HLF: variants seen among roughly 807,000 people sequenced by gnomAD.
HLF encodes HLF transcription factor, PAR bZIP family member.
A neutral mutation model predicts 22.6 loss-of-function variants in HLF; 3 were observed. The observed-to-expected ratio is 0.13, with a 90% confidence interval of 0.06 to 0.34. HLF has a LOEUF of 0.34. Ranked by LOEUF, HLF falls within the 10% of genes least tolerant of loss-of-function variation. The pLI is 1.00. For missense variants in HLF, 299 were observed against 389.2 expected, an observed-to-expected ratio of 0.77 and a Z score of 1.95; for synonymous variants, 151 against 151.8, an observed-to-expected ratio of 0.99 and a Z score of 0.04.
At chr17:55,293,388 C>T (rs965707933) in intron 2 of HLF, among the ~76,000 whole-genome samples, 1 of 152,250 alleles carries the variant, frequency 6.6e-6, no homozygotes, top group Admixed American at 6.5e-5. Flanking sequence ...CAGAGCTTCC[C>T]CCTTTATCTG....
In HLF at chr17:55,323,394, C is replaced by T; in HGVS notation, c.*2515C>T. ...ATTGTGGAAGGATTGTAACATGGAC[C>T]ATCCAAATTTATGGCCGTATCAAAT... On this transcript the variant is annotated 3_prime_UTR_variant, in exon 4 of 4. Transcript: ENST00000226067. 1 of 215,496 alleles carries T rather than the reference C, an allele frequency of 4.6e-6. No individual in the cohort carries two copies. Among genetic ancestry groups the T allele is most frequent in the Non-Finnish European group, 9.4e-6 (1 of 106,598 alleles). The allele number at this position is 215,496 out of a possible 1,614,324, so 13.3% of individuals were successfully genotyped here.
chr17:55,277,859 A>G (rs1212162334), intron 2 of HLF, among the ~76,000 whole-genome samples: 1 of 152,190 alleles, frequency 6.6e-6, no homozygotes, highest in African/African-American at 2.4e-5. Context: ...GGGAGAAACT[A>G]TAGTATTTGT....
intron 3 of HLF, among the ~76,000 whole-genome samples, chr17:55,317,864 G>A (rs1410791316): frequency 2.0e-5 from 3 of 152,150 alleles, no homozygotes; most frequent in Non-Finnish European, 4.4e-5. Context: ...GAGAATTGAG[G>A]TTGACATGCT....
intron 2 of HLF, among the ~76,000 whole-genome samples, chr17:55,293,257 A>AG (rs59173296): frequency 6.6e-6 from 1 of 151,496 alleles, no homozygotes; most frequent in African/African-American, 2.4e-5. Context: ...CATTTTTTTA[A>AG]TTAAGATTTG....
chr17:55,265,645 G>C (rs781199385), intron 1 of HLF, 46 bp downstream of exon 1: 4 of 1,385,294 alleles, frequency 2.9e-6, no homozygotes, highest in South Asian at 2.4e-5. Context: ...GACGCTCCGG[G>C]GGTCCCCCTC....
rs568258026 is a variant in HLF, at chr17:55,275,838, A to G, written c.451+7752A>G. 3.3e-5 allele frequency among the ~76,000 whole-genome samples: 5 copies of G among 152,358 alleles called. No individual in the cohort carries two copies. In the South Asian group the frequency reaches 1.0e-3, roughly 32 times the overall value. On this transcript the variant is annotated intron_variant, in intron 2 of 3. Transcript: ENST00000226067. ...CTTTTCTCTAAGAAATGATACCATG[A>G]TTAGAAAACAACAGAGGACTTTGGG... is the stretch of plus-strand genomic sequence containing the variant.
intron 1 of HLF, chr17:55,266,377 T>C (rs2080790122): frequency 6.6e-6 from 1 of 152,228 alleles, no homozygotes; most frequent in African/African-American, 2.4e-5. Flanking sequence ...GTACGTGTGA[T>C]GAGGCCCCAA....
Position 55,323,281 on chromosome 17 carries a change from C to T in HLF, c.*2402C>T. 1 of 216,900 alleles carries T rather than the reference C, an allele frequency of 4.6e-6. No homozygotes were observed. Among genetic ancestry groups the T allele is most frequent in the East Asian group, 6.8e-5 (1 of 14,618 alleles). 13.4% of individuals were successfully genotyped at this position (216,900 alleles called of 1,614,324 possible). ...GAGACACAGGTGGACGTAGAGTTGG[C>T]CTTTTTACAGGCAAAGAGGCGAATT... On this transcript the variant is annotated 3_prime_UTR_variant, in exon 4 of 4. Coordinates refer to ENST00000226067, the MANE Select transcript of HLF (RefSeq NM_002126.5).
intron 3 of HLF, among the ~76,000 whole-genome samples, chr17:55,318,331 G>A (rs547749260): frequency 1.3e-5 from 2 of 152,258 alleles, no homozygotes; most frequent in East Asian, 1.9e-4. Flanking sequence ...TTCTGGACCC[G>A]GTTCCCAGCT....
rs1449944130 is a variant in HLF at position 55,267,966 on chromosome 17, C to G, written c.331C>G (p.Pro111Ala). ...TCAGCATGACCACAGCCCTCACCCT[C>G]CTGGGCTGCAGCCAGCTTCCTCGGC... The part of the protein sequence containing the change: ...PSQHDHSPHP[P>A]GLQPASSAAP... Residue 111 changes from proline to alanine, a missense_variant, in exon 2 of 4, where the codon CCT becomes GCT. Physicochemically the swap from Pro to Ala is conservative, Grantham distance 27. Coordinates refer to ENST00000226067, the MANE Select transcript of HLF (RefSeq NM_002126.5). 2 of 1,614,002 alleles carry G rather than the reference C, an allele frequency of 1.2e-6. No homozygotes were observed. The highest frequency in any genetic ancestry group is 2.2e-5 in the East Asian group (1 of 44,892).
At chr17:55,283,540 AGT>A (rs1418462360) in intron 2 of HLF, 1 of 152,228 alleles carries the variant, frequency 6.6e-6, no homozygotes, top group Non-Finnish European at 1.5e-5. Flanking sequence ...GTCCTGGAAA[AGT>A]GTTTTCTGAG....
Position 55,270,371 on chromosome 17 carries a change from C to G in HLF, c.451+2285C>G, listed in dbSNP as rs575749127. Among the ~76,000 whole-genome samples the G allele has an allele frequency of 8.8e-4, 134 of 152,218 alleles. 2 individuals are homozygous for G. Among genetic ancestry groups the G allele is most frequent in the Non-Finnish European group, 1.7e-3 (119 of 68,044 alleles). On this transcript the variant is annotated intron_variant, in intron 2 of 3. Transcript: ENST00000226067. ...TACCAAACTCAGGTAAAATAACACT[C>G]TGCTGTTCATAGATTGTTGATCATT...
intron 2 of HLF, among the ~76,000 whole-genome samples, chr17:55,277,427 C>T (rs1466308475): frequency 6.6e-6 from 1 of 152,088 alleles, no homozygotes; most frequent in East Asian, 1.9e-4. Context: ...TTCTGGCTAG[C>T]TTAAATCAGT....
At chr17:55,285,995 G>A (rs1190972394) in intron 2 of HLF, among the ~76,000 whole-genome samples, 2 of 152,128 alleles carry the variant, frequency 1.3e-5, no homozygotes, top group African/African-American at 4.8e-5. Context: ...CTTTTCTCTT[G>A]CAAAATCAGT....
intron 1 of HLF, chr17:55,266,361 G>A (rs2080789774): frequency 6.6e-6 from 1 of 152,278 alleles, no homozygotes; most frequent in Non-Finnish European, 1.5e-5. Flanking sequence ...TAGCAGTAGA[G>A]GAGGGGTACG....
In HLF at chr17:55,324,851, A is replaced by T. The variant is rs1905405795; in HGVS notation, c.*3972A>T. ...TGTGTATGTGTGTGAATAAGTCGACATAAAGTCTTTAATTTTGAGCACCTT... is the reference window on the plus strand; with the variant it reads ...TGTGTATGTGTGTGAATAAGTCGACTTAAAGTCTTTAATTTTGAGCACCTT... On this transcript the variant is annotated 3_prime_UTR_variant, in exon 4 of 4. Coordinates refer to ENST00000226067, the MANE Select transcript of HLF (RefSeq NM_002126.5). 4.3e-6 allele frequency: 1 copy of T among 233,208 alleles called. No individual in the cohort carries two copies. Among genetic ancestry groups the T allele is most frequent in the Middle Eastern group, 1.2e-3 (1 of 806 alleles). 14.4% of individuals were successfully genotyped at this position (233,208 alleles called of 1,614,324 possible).
chr17:55,315,401 C>A lies in HLF; in HGVS notation c.626C>A (p.Pro209His). 1 of 1,614,118 alleles carries A rather than the reference C, an allele frequency of 6.2e-7. No individual in the cohort carries two copies. Reference protein sequence around the residue: ...KFSEEELKPQPMIKKARKVFI... With the variant: ...KFSEEELKPQHMIKKARKVFI... ...TCTGAGGAAGAACTGAAGCCACAGC[C>A]CATGATCAAGAAAGCTCGCAAAGTC... is the stretch of plus-strand genomic sequence containing the variant. Residue 209 changes from proline to histidine, a missense_variant, in exon 3 of 4, where the codon CCC becomes CAC. Physicochemically the swap from Pro to His is moderately conservative, Grantham distance 77 (BLOSUM62 -2). This residue lies in a region of HLF where 224 missense variants were observed against 298.1 expected (regional missense o/e 0.75). Transcript: ENST00000226067.
At chr17:55,296,660 T>C (rs2081114148) in intron 2 of HLF, among the ~76,000 whole-genome samples, 1 of 152,136 alleles carries the variant, frequency 6.6e-6, no homozygotes, top group South Asian at 2.1e-4. Context: ...CCTCTAGGGA[T>C]TTAGATTGTT....
In HLF at chr17:55,322,621, T is replaced by C. The variant is rs927443900; in HGVS notation, c.*1742T>C. ...AATACACAAGGAGCTTTCTTGTTTC[T>C]TATTAGGCCTCAGAAAGAAGTCAGT... is the stretch of plus-strand genomic sequence containing the variant. On this transcript the variant is annotated 3_prime_UTR_variant, in exon 4 of 4. Transcript: ENST00000226067. The C allele has an allele frequency of 4.6e-6, 1 of 216,502 alleles. No individual in the cohort carries two copies. The highest frequency in any genetic ancestry group is 9.3e-6 in the Non-Finnish European group (1 of 107,022). The allele number at this position is 216,502 out of a possible 1,614,324, so 13.4% of individuals were successfully genotyped here. A position where few individuals can be genotyped will look rare whatever the true frequency, so the allele number is the denominator to read the frequency against.
Sources: gnomAD v4.1 joint callset for allele counts (sites outside exome capture counted in the v4.1 genomes callset) on GRCh38, gnomAD v4.1.1 for gene constraint, gnomAD v4.1.1 regional missense constraint, MANE v1.5 for transcripts, NCBI Gene and HGNC (gene_info 2026-07-23, HGNC 2026-07-21) for gene names.